The following RCBTB1 variants were observed in gnomAD, a reference collection of about 807,000 sequenced individuals.
RCBTB1 encodes the protein RCC1 and BTB domain-containing protein 1.
RCBTB1 carries 46 observed loss-of-function variants against 62.4 expected under a neutral mutation model. The observed-to-expected ratio is 0.74, with a 90% CI of 0.58 to 0.94. The LOEUF is 0.94. Among genes scored for constraint, RCBTB1 ranks in the 40% least tolerant of loss-of-function variants. RCBTB1 has a pLI of 0.00. For missense variants in RCBTB1, 565 were observed against 654.9 expected (o/e 0.86, Z 1.50); for synonymous variants, 222 against 245.8 (o/e 0.90, Z 0.91).
rs1959733267 is a variant in RCBTB1 at position 49,533,955 on chromosome 13, G to A, written c.*167C>T. The A allele has an allele frequency of 1.8e-6, 1 of 570,622 alleles. No homozygotes were observed. The highest frequency in any genetic ancestry group is 1.9e-5 in the African/African-American group (1 of 52,518). The allele number at this position is 570,622 out of a possible 1,614,324, so 35.3% of individuals were successfully genotyped here. On this transcript the variant is annotated 3_prime_UTR_variant, in exon 13 of 13. Transcript: ENST00000378302. ...GTTGTTTAAAATGGGCTCAAGAAAA[G>A]CCGTACACCCTTGTTATGTTCCTAC...
chr13:49,577,558 C>T (rs1232131133), intron 2 of RCBTB1, among the ~76,000 whole-genome samples: 1 of 152,076 alleles, frequency 6.6e-6, no homozygotes, highest in Non-Finnish European at 1.5e-5. Context: ...TTAAATGCCA[C>T]CAATAGGGTA....
intron 9 of RCBTB1, chr13:49,546,949 A>AAC: frequency 3.0e-6 from 3 of 985,278 alleles, no homozygotes; most frequent in Non-Finnish European, 3.6e-6. Context: ...ATTTTTTCCA[A>AAC]ACTTAACATT....
intron 12 of RCBTB1, 145 bp from the exon 13 acceptor site, chr13:49,534,407 A>G: frequency 1.3e-6 from 1 of 748,874 alleles, no homozygotes; most frequent in East Asian, 2.7e-5. Context: ...ACTAGGCAAA[A>G]AGGTGACCAC....
At chr13:49,559,450 A>G (rs960616192) in intron 5 of RCBTB1, among the ~76,000 whole-genome samples, 2 of 152,048 alleles carry the variant, frequency 1.3e-5, no homozygotes, top group Non-Finnish European at 2.9e-5. Context: ...AGGTCAGGAG[A>G]TCGAGACCAT....
At position 49,534,192 on chromosome 13, in the gene RCBTB1, C is replaced by T; in HGVS notation, c.1526G>A (p.Trp509Ter). The T allele has an allele frequency of 6.2e-7, 1 of 1,614,106 alleles. No individual in the cohort carries two copies. Among genetic ancestry groups the T allele is most frequent in the South Asian group, 1.1e-5 (1 of 91,084 alleles). ...CTTTAGCAGAGGGCCATCCATTTGC[C>T]AAAATGCTGCAGTCTGTGTAACTTC... ...LTEVTQTAAF[W>*]QMDGPLLKEF... Residue 509 changes from tryptophan to a stop codon, truncating the protein, a stop_gained, in exon 13 of 13, where the codon TGG becomes TAG. Transcript: ENST00000378302. LOFTEE classifies it high-confidence loss of function.
At position 49,567,283 on chromosome 13, in the gene RCBTB1, T is replaced by C. The variant is rs1375309762; in HGVS notation, c.-4A>G. 1 of 1,613,762 alleles carries C rather than the reference T, an allele frequency of 6.2e-7. No homozygotes were observed. On this transcript the variant is annotated 5_prime_UTR_variant, in exon 3 of 13. Coordinates refer to ENST00000378302, the MANE Select transcript of RCBTB1 (RefSeq NM_018191.4). ...GCCACTTTCCGACATCCACCATGACTCTGGCTTCAAGCAATTCCTATAAAT... is the reference window on the plus strand; with the variant it reads ...GCCACTTTCCGACATCCACCATGACCCTGGCTTCAAGCAATTCCTATAAAT...
At chr13:49,558,463 G>A (rs1404996361) in intron 5 of RCBTB1, among the ~76,000 whole-genome samples, 10 of 151,958 alleles carry the variant, frequency 6.6e-5, no homozygotes, top group African/African-American at 2.4e-4. Flanking sequence ...AGGCCGAGGC[G>A]GGAGGATCAC....
intron 12 of RCBTB1, among the ~76,000 whole-genome samples, chr13:49,537,570 A>G (rs1423017823): frequency 6.6e-6 from 1 of 152,250 alleles, no homozygotes; most frequent in Non-Finnish European, 1.5e-5. Context: ...TAAGTTGCTT[A>G]GCACACAGGA....
Position 49,534,150 on chromosome 13 carries a change from GC to G in RCBTB1, c.1567del (p.Ala523ProfsTer37). On this transcript the variant is annotated frameshift_variant, in exon 13 of 13. Transcript: ENST00000378302. LOFTEE classifies it high-confidence loss of function. Reference sequence around the variant, plus strand: ...GTTCTTAAAGGCTCCACATTTACTGGCTTTAGCAATGAATTCCTTTAGCAGA... The same window carrying G: ...GTTCTTAAAGGCTCCACATTTACTGGTTTAGCAATGAATTCCTTTAGCAGA... The part of the protein sequence containing the change: ...GPLLKEFIAK[A>X]SKCGAFKN 6.2e-7 allele frequency: 1 copy of G among 1,614,108 alleles called. No homozygotes were observed. Among genetic ancestry groups the G allele is most frequent in the Non-Finnish European group, 8.5e-7 (1 of 1,180,002 alleles).
intron 9 of RCBTB1, chr13:49,546,870 C>G (rs764925896): frequency 9.1e-5 from 74 of 814,818 alleles, no homozygotes; most frequent in Admixed American, 1.2e-4. Flanking sequence ...TAACAGGCCA[C>G]GGACCAGTAC....
At chr13:49,574,942 T>C (rs1487451920) in intron 2 of RCBTB1, among the ~76,000 whole-genome samples, 2 of 152,144 alleles carry the variant, frequency 1.3e-5, no homozygotes, top group African/African-American at 4.8e-5. Context: ...ACAACAGGGA[T>C]GAACCCTGAA....
intron 2 of RCBTB1, among the ~76,000 whole-genome samples, chr13:49,567,979 T>C (rs1963139971): frequency 6.6e-6 from 1 of 152,070 alleles, no homozygotes; most frequent in Non-Finnish European, 1.5e-5. Context: ...GGAAAAAAAC[T>C]TTGGTTTCAA....
At chr13:49,582,893 G>A (rs549069806) in intron 1 of RCBTB1, among the ~76,000 whole-genome samples, 7 of 152,232 alleles carry the variant, frequency 4.6e-5, no homozygotes, top group Non-Finnish European at 8.8e-5. Context: ...CAGTGGAGTG[G>A]AGGCCGGGTG....
chr13:49,575,728 G>T (rs555387209), intron 2 of RCBTB1, among the ~76,000 whole-genome samples: 27 of 152,014 alleles, frequency 1.8e-4, no homozygotes, highest in Admixed American at 2.6e-4. Context: ...ACAGACACTG[G>T]AGACTACTAC....
At chr13:49,551,030 G>A (rs1961281378) in intron 8 of RCBTB1, 2 of 291,030 alleles carry the variant, frequency 6.9e-6, no homozygotes. Flanking sequence ...TTGAACCCAC[G>A]AAGTGAAGGT....
chr13:49,544,495 AACAAACAC>A (rs1013408025), intron 10 of RCBTB1, among the ~76,000 whole-genome samples: 5 of 118,768 alleles, frequency 4.2e-5, no homozygotes, highest in Non-Finnish European at 7.9e-5. Flanking sequence ...CAAACAAACA[AACAAACAC>A]AAAAAACCAA....
intron 6 of RCBTB1, among the ~76,000 whole-genome samples, chr13:49,554,601 A>T (rs1961685598): frequency 6.6e-6 from 1 of 152,184 alleles, no homozygotes; most frequent in Admixed American, 6.5e-5. Flanking sequence ...CGGGCAAGGG[A>T]GTATTACTGC....
chr13:49,553,997 G>C (rs75721817), intron 6 of RCBTB1, among the ~76,000 whole-genome samples: 5,157 of 152,242 alleles, frequency 0.034, 132 homozygotes, highest in Non-Finnish European at 0.055. Context: ...ATGTTCATCA[G>C]TAGAGCTCTG....
chr13:49,580,042 G>A lies in RCBTB1; in HGVS notation c.-42+463C>T, dbSNP rs61212809. Among the ~76,000 whole-genome samples the A allele has an allele frequency of 2.8e-3, 424 of 152,126 alleles. 1 individual carries two copies. Among genetic ancestry groups the A allele is most frequent in the African/African-American group, 9.8e-3 (406 of 41,502 alleles). ...CACTTCTAACCTCAGCCATGTGCTCGAAAAGCAAACGAACCAAGTGGCAAT... is the reference window on the plus strand; with the variant it reads ...CACTTCTAACCTCAGCCATGTGCTCAAAAAGCAAACGAACCAAGTGGCAAT... On this transcript the variant is annotated intron_variant, in intron 2 of 12. Transcript: ENST00000378302.
Sources: allele counts gnomAD v4.1 joint callset (sites outside exome capture counted in the v4.1 genomes callset), GRCh38; gene constraint gnomAD v4.1.1; transcripts MANE v1.5; gene names NCBI Gene and HGNC (gene_info 2026-07-23, HGNC 2026-07-21).